The following MYO9A variants were observed in gnomAD, a reference collection of about 807,000 sequenced individuals.
MYO9A encodes the protein myosin IXA.
A neutral mutation model predicts 293.3 loss-of-function variants in MYO9A; 103 were observed. That is an observed-to-expected ratio of 0.35 (90% CI 0.30 to 0.41). The LOEUF (loss-of-function observed/expected upper bound fraction) is 0.41. Ranked by LOEUF, MYO9A falls within the 10% of genes least tolerant of loss-of-function variation. The pLI is 1.00. For synonymous variants in MYO9A, 1,001 were observed against 1,035.7 expected, an observed-to-expected ratio of 0.97 and a Z score of 0.64; for missense variants, 2,685 against 3,033.0, an observed-to-expected ratio of 0.89 and a Z score of 2.69.
intron 32 of MYO9A, among the ~76,000 whole-genome samples, chr15:71,872,295 A>G (rs1254424650): frequency 6.6e-6 from 1 of 152,124 alleles, no homozygotes; most frequent in Non-Finnish European, 1.5e-5. Context: ...GTTTCATAAT[A>G]TGGCCTTGCT....
intron 39 of MYO9A, among the ~76,000 whole-genome samples, chr15:71,841,100 A>G (rs1022260659): frequency 6.6e-6 from 1 of 152,238 alleles, no homozygotes; most frequent in African/African-American, 2.4e-5. Flanking sequence ...TTGTACTCAG[A>G]CACCTTATTG....
intron 1 of MYO9A, among the ~76,000 whole-genome samples, chr15:72,047,641 A>G (rs2078425520): frequency 1.3e-5 from 2 of 151,934 alleles, no homozygotes; most frequent in African/African-American, 4.8e-5. Flanking sequence ...TCTTATCTTC[A>G]TTAGTTAGTT....
intron 12 of MYO9A, among the ~76,000 whole-genome samples, chr15:71,973,941 A>C (rs971765200): frequency 2.6e-5 from 4 of 152,196 alleles, no homozygotes; most frequent in African/African-American, 9.6e-5. Flanking sequence ...GCTATGTGGC[A>C]GTTTCCTTAG....
At chr15:72,025,779 C>T (rs2077648056) in intron 4 of MYO9A, among the ~76,000 whole-genome samples, 1 of 152,098 alleles carries the variant, frequency 6.6e-6, no homozygotes, top group Non-Finnish European at 1.5e-5. Flanking sequence ...AAGAGGACTT[C>T]AAAATTACTA....
At chr15:71,919,123 T>C (rs1195875670) in intron 18 of MYO9A, among the ~76,000 whole-genome samples, 1 of 152,196 alleles carries the variant, frequency 6.6e-6, no homozygotes, top group East Asian at 1.9e-4. Flanking sequence ...ATTTGTTAAT[T>C]TGTATATTGT....
chr15:71,947,594 T>C (rs976180868), intron 15 of MYO9A, among the ~76,000 whole-genome samples: 1 of 152,212 alleles, frequency 6.6e-6, no homozygotes, highest in South Asian at 2.1e-4. Flanking sequence ...CCCAGATATA[T>C]CTGTTAATTG....
At chr15:72,024,995 A>C (rs1431651317) in intron 4 of MYO9A, among the ~76,000 whole-genome samples, 7 of 152,204 alleles carry the variant, frequency 4.6e-5, no homozygotes. Context: ...TAATTACATT[A>C]AGTAGATCAA....
chr15:71,903,863 G>T, intron 21 of MYO9A, 66 bp downstream of exon 21: 3 of 1,334,944 alleles, frequency 2.2e-6, no homozygotes, highest in Non-Finnish European at 3.2e-6. Context: ...GAAATAATAA[G>T]CAAGATATGT....
chr15:72,083,847 A>G (rs2079627407), intron 1 of MYO9A, among the ~76,000 whole-genome samples: 1 of 152,180 alleles, frequency 6.6e-6, no homozygotes, highest in South Asian at 2.1e-4. Context: ...ATTTTATTGC[A>G]CTGTGGCCCA....
intron 27 of MYO9A, 55 bp downstream of exon 27, chr15:71,887,949 G>T: frequency 2.0e-6 from 2 of 1,000,520 alleles, no homozygotes; most frequent in South Asian, 1.6e-5. Context: ...CTTAACTATA[G>T]TCAGTTATCA....
intron 10 of MYO9A, among the ~76,000 whole-genome samples, 170 bp downstream of exon 10, chr15:71,994,299 G>C (rs1369972236): frequency 1.3e-5 from 2 of 152,044 alleles, no homozygotes; most frequent in African/African-American, 4.8e-5. Context: ...AATAAAAAAG[G>C]TCTGGAAAGA....
chr15:72,042,262 G>A (rs1306740823), intron 2 of MYO9A, among the ~76,000 whole-genome samples: 1 of 150,460 alleles, frequency 6.6e-6, no homozygotes, highest in African/African-American at 2.4e-5. Context: ...CTATTTGGAA[G>A]GCTGAAGCAG....
At chr15:72,084,128 A>G (rs1269955732) in intron 1 of MYO9A, among the ~76,000 whole-genome samples, 1 of 152,102 alleles carries the variant, frequency 6.6e-6, no homozygotes, top group Non-Finnish European at 1.5e-5. Flanking sequence ...AGAAGTCTAC[A>G]TCTCTTTGAA....
chr15:72,103,429 C>A (rs1300312426), intron 1 of MYO9A, among the ~76,000 whole-genome samples: 6 of 146,230 alleles, frequency 4.1e-5, no homozygotes, highest in African/African-American at 1.5e-4. Context: ...GCAGAAGCAG[C>A]AGCAGCAGAA....
At position 71,995,548 on chromosome 15, in the gene MYO9A, A is replaced by G. The variant is rs117472881; in HGVS notation, c.1471-963T>C. 7.6e-3 allele frequency among the ~76,000 whole-genome samples: 1,160 copies of G among 151,866 alleles called. 4 individuals are homozygous for G. The highest frequency in any genetic ancestry group is 9.8e-3 in the Non-Finnish European group (665 of 67,934). ...AAAACAAAGAATTTCACCATTTAGA[A>G]AGCATAAATTTACAAAAAAAAAAAA... On this transcript the variant is annotated intron_variant, in intron 9 of 41. Coordinates refer to ENST00000356056, the MANE Select transcript of MYO9A (RefSeq NM_006901.4).
At chr15:71,879,987 ACAGT>A (rs541763293) in intron 29 of MYO9A, 150 bp from the exon 30 acceptor site, 4 of 616,958 alleles carry the variant, frequency 6.5e-6, no homozygotes, top group Non-Finnish European at 8.6e-6. Context: ...TTATGACTAG[ACAGT>A]CAAACTATAA....
At chr15:71,959,137 T>C (rs149186011) in intron 14 of MYO9A, 4 of 152,356 alleles carry the variant, frequency 2.6e-5, no homozygotes, top group Non-Finnish European at 5.9e-5. Flanking sequence ...AGTCCTTTTA[T>C]TTCTCTAATA....
Position 72,071,661 on chromosome 15 carries a change from A to G in MYO9A, c.-71-25027T>C, listed in dbSNP as rs977899037. 6.6e-5 allele frequency among the ~76,000 whole-genome samples: 10 copies of G among 152,306 alleles called. No individual in the cohort carries two copies. In the South Asian group the frequency reaches 1.2e-3, roughly 19 times the overall value. ...GGCAGGTTACAGAGGAGGCTGAGGC[A>G]GGAAAATTGCTTAAGCCGAGGAGAC... On this transcript the variant is annotated intron_variant, in intron 1 of 41. Coordinates refer to ENST00000356056, the MANE Select transcript of MYO9A (RefSeq NM_006901.4).
chr15:72,011,583 T>A (rs2077176269), intron 6 of MYO9A, among the ~76,000 whole-genome samples: 1 of 148,696 alleles, frequency 6.7e-6, no homozygotes, highest in Non-Finnish European at 1.5e-5. Flanking sequence ...GCAACACGCA[T>A]GACACCATCT....
Sources: allele counts gnomAD v4.1 joint callset (sites outside exome capture counted in the v4.1 genomes callset), GRCh38; gene constraint gnomAD v4.1.1; transcripts MANE v1.5; gene names NCBI Gene and HGNC (gene_info 2026-07-23, HGNC 2026-07-21).